TRAPPC3L: variants seen among roughly 807,000 people sequenced by gnomAD.
The protein encoded by TRAPPC3L is trafficking protein particle complex subunit 3L.
Under a neutral mutation model 23.7 loss-of-function variants are expected in TRAPPC3L, and 23 were observed. The ratio of observed to expected loss-of-function variants is 0.97; its 90% CI spans 0.70 to 1.37. TRAPPC3L has a LOEUF of 1.37. Ranked by LOEUF, TRAPPC3L falls within the 40% of genes most tolerant of loss-of-function variation. The pLI is 0.00. For synonymous variants in TRAPPC3L, 81 were observed against 77.9 expected (o/e 1.04, Z -0.21); for missense variants, 212 against 216.8 (o/e 0.98, Z 0.14).
intron 3 of TRAPPC3L, among the ~76,000 whole-genome samples, chr6:116,530,680 G>A (rs1401683886): frequency 6.6e-6 from 1 of 151,930 alleles, no homozygotes; most frequent in African/African-American, 2.4e-5. Flanking sequence ...GCTTCCAAGT[G>A]CAGAGTCATT....
chr6:116,500,569 A>G lies in TRAPPC3L; in HGVS notation c.338T>C (p.Val113Ala), dbSNP rs1401025314. 4 of 1,551,522 alleles carry G rather than the reference A, an allele frequency of 2.6e-6. No homozygotes were observed. The highest frequency in any genetic ancestry group is 3.5e-6 in the Non-Finnish European group (4 of 1,146,970). Residue 113 changes from valine (V) to alanine (A), a missense_variant, in exon 4 of 5, where the codon GTG becomes GCG. Val to Ala is a moderately conservative substitution (Grantham distance 64). Transcript: ENST00000368602. ...AGCAGGGAGCTCTTCCACAAACTCCACCAGGGGATTCTTCTCTAGAATCAG... is the reference window on the plus strand; with the variant it reads ...AGCAGGGAGCTCTTCCACAAACTCCGCCAGGGGATTCTTCTCTAGAATCAG... The part of the protein sequence containing the change: ...FSLILEKNPL[V>A]EFVEELPAGR...
Position 116,497,019 on chromosome 6 carries a change from C to T in TRAPPC3L, c.481G>A (p.Val161Met), listed in dbSNP as rs1771842907. Reference sequence around the variant, plus strand: ...AGAAATGTTATTCCTATTTCTGTCACACTGTCACCTTTTAGTCTGTCTTGC... The same window carrying T: ...AGAAATGTTATTCCTATTTCTGTCATACTGTCACCTTTTAGTCTGTCTTGC... ...FLQDRLKGDS[V>M]TEIGITFLKK... Residue 161 changes from valine (V) to methionine (M), a missense_variant, in exon 5 of 5, where the codon GTG becomes ATG. Transcript: ENST00000368602. The T allele has an allele frequency of 5.8e-6, 9 of 1,547,236 alleles. No individual in the cohort carries two copies. Among genetic ancestry groups the T allele is most frequent in the Non-Finnish European group, 7.9e-6 (9 of 1,145,890 alleles).
In TRAPPC3L at chr6:116,516,790, G is replaced by A. The variant is rs1041313682; in HGVS notation, c.241-16124C>T. 2.0e-5 allele frequency: 3 copies of A among 149,264 alleles called. No homozygotes were observed. In the Admixed American group the frequency reaches 2.0e-4, roughly 10 times the overall value. 9.2% of individuals were successfully genotyped at this position (149,264 alleles called of 1,614,324 possible). On this transcript the variant is annotated intron_variant, in intron 3 of 4. Transcript: ENST00000368602. ...CATTTTCTTCAACCTAAAAGTTTAT[G>A]TATTTTCTTCTGATTTTAAAAGAAA...
intron 3 of TRAPPC3L, chr6:116,518,754 C>G (rs1168704054): frequency 2.0e-5 from 3 of 152,138 alleles, no homozygotes; most frequent in Non-Finnish European, 4.4e-5. Flanking sequence ...TTCCTGCCAC[C>G]CTCAAGTCCA....
intron 4 of TRAPPC3L, 82 bp from the exon 5 acceptor site, chr6:116,497,155 C>T (rs1170639738): frequency 9.6e-6 from 14 of 1,454,560 alleles, no homozygotes; most frequent in Non-Finnish European, 1.2e-5. Flanking sequence ...TTTCAGCTTT[C>T]TTTACTTTCC....
At chr6:116,497,147 T>C in intron 4 of TRAPPC3L, 74 bp from the exon 5 acceptor site, 2 of 1,482,208 alleles carry the variant, frequency 1.3e-6, no homozygotes, top group African/African-American at 1.5e-5. Flanking sequence ...CAGTCTTTTT[T>C]CAGCTTTCTT....
intron 3 of TRAPPC3L, among the ~76,000 whole-genome samples, chr6:116,514,643 C>G (rs772960328): frequency 2.0e-5 from 3 of 152,158 alleles, no homozygotes; most frequent in Non-Finnish European, 4.4e-5. Flanking sequence ...CTGAGTAGTG[C>G]CAGTCCAGAG....
At chr6:116,515,711 T>C in intron 3 of TRAPPC3L, 1 of 1,614,004 alleles carries the variant, frequency 6.2e-7, no homozygotes, top group South Asian at 1.1e-5. Context: ...TTGGAAGACA[T>C]ATGCACAAAA....
At chr6:116,538,918 G>A (rs1177834837) in intron 3 of TRAPPC3L, among the ~76,000 whole-genome samples, 2 of 151,702 alleles carry the variant, frequency 1.3e-5, no homozygotes, top group African/African-American at 4.8e-5. Context: ...TTTTGTAGAG[G>A]TGGGATTTCA....
At chr6:116,513,523 G>T (rs1772165254) in intron 3 of TRAPPC3L, among the ~76,000 whole-genome samples, 1 of 152,166 alleles carries the variant, frequency 6.6e-6, no homozygotes, top group Non-Finnish European at 1.5e-5. Flanking sequence ...TCTAAACACA[G>T]GTACAAGGAA....
intron 3 of TRAPPC3L, among the ~76,000 whole-genome samples, chr6:116,537,125 GC>G (rs1442410882): frequency 6.6e-6 from 1 of 152,202 alleles, no homozygotes; most frequent in African/African-American, 2.4e-5. Context: ...GGTGCAAAGA[GC>G]AGGGACAGTT....
intron 3 of TRAPPC3L, among the ~76,000 whole-genome samples, chr6:116,534,789 A>AG (rs34333482): frequency 0.49 from 74,430 of 151,916 alleles, 18,463 homozygotes; most frequent in Middle Eastern, 0.64. Context: ...ATACTATAAA[A>AG]GAAAAGTTCT....
intron 3 of TRAPPC3L, among the ~76,000 whole-genome samples, chr6:116,539,685 AG>A (rs931569835): frequency 6.6e-6 from 1 of 152,192 alleles, no homozygotes; most frequent in Non-Finnish European, 1.5e-5. Context: ...ATTAAGGACT[AG>A]GAGAGAAAAA....
chr6:116,500,537 A>G lies in TRAPPC3L; in HGVS notation c.370T>C (p.Ser124Pro). 1 of 1,551,694 alleles carries G rather than the reference A, an allele frequency of 6.4e-7. No homozygotes were observed. Among genetic ancestry groups the G allele is most frequent in the East Asian group, 2.4e-5 (1 of 40,918 alleles). Residue 124 changes from serine to proline, a missense_variant, in exon 4 of 5, where the codon TCT becomes CCT. Transcript: ENST00000368602. ...EFVEELPAGR[S>P]SLCYCNLLCG... ...AGCAAGTTGCAGTAGCACAGAGAAG[A>G]TCGCCCAGCAGGGAGCTCTTCCACA... is the stretch of plus-strand genomic sequence containing the variant.
intron 3 of TRAPPC3L, chr6:116,523,106 G>C (rs1461216830): frequency 6.6e-6 from 1 of 151,870 alleles, no homozygotes; most frequent in Non-Finnish European, 1.5e-5. Flanking sequence ...ACTACATCTT[G>C]AAAATAACTG....
chr6:116,532,393 C>A (rs1431510396), intron 3 of TRAPPC3L, among the ~76,000 whole-genome samples: 2 of 152,146 alleles, frequency 1.3e-5, no homozygotes, highest in Non-Finnish European at 2.9e-5. Flanking sequence ...TGAGCCACCG[C>A]GCCCGGCCGG....
intron 3 of TRAPPC3L, among the ~76,000 whole-genome samples, chr6:116,533,441 T>C (rs1389561021): frequency 6.6e-6 from 1 of 152,238 alleles, no homozygotes; most frequent in African/African-American, 2.4e-5. Flanking sequence ...GAAAAACACG[T>C]GGCTTCATTT....
At chr6:116,500,334 T>A in intron 4 of TRAPPC3L, 147 bp downstream of exon 4, 2 of 747,730 alleles carry the variant, frequency 2.7e-6, no homozygotes, top group Non-Finnish European at 4.2e-6. Flanking sequence ...TTTGTTTTTT[T>A]AAGCTGCTAC....
chr6:116,522,144 A>G (rs1466807032), intron 3 of TRAPPC3L: 1 of 152,306 alleles, frequency 6.6e-6, no homozygotes, highest in Non-Finnish European at 1.5e-5. Context: ...TGTACACGAC[A>G]TGGAGAAGAA....
Sources: allele counts gnomAD v4.1 joint callset (sites outside exome capture counted in the v4.1 genomes callset), GRCh38; gene constraint gnomAD v4.1.1; transcripts MANE v1.5; gene names NCBI Gene and HGNC (gene_info 2026-07-23, HGNC 2026-07-21).